Variants in PROM1 observed in about 807,000 individuals in gnomAD.
The protein encoded by PROM1 is prominin-1.
Under a neutral mutation model 116.9 loss-of-function variants are expected in PROM1, and 105 were observed. That is an observed-to-expected ratio of 0.90 (90% CI 0.77 to 1.06). PROM1 has a LOEUF of 1.06. PROM1 is among the 50% of genes least tolerant of loss of function. PROM1 has a pLI of 0.00. For synonymous variants in PROM1, 393 were observed against 387.0 expected, an observed-to-expected ratio of 1.02 and a Z score of -0.18; for missense variants, 1,122 against 1,045.2, an observed-to-expected ratio of 1.07 and a Z score of -1.01.
intron 2 of PROM1, among the ~76,000 whole-genome samples, chr4:16,040,962 C>T (rs569141949): frequency 2.0e-5 from 3 of 152,202 alleles, no homozygotes; most frequent in South Asian, 4.1e-4. Flanking sequence ...GGAACTGCTT[C>T]TTCCATCCTC....
intron 2 of PROM1, among the ~76,000 whole-genome samples, chr4:16,056,178 C>T (rs1337917818): frequency 5.9e-5 from 9 of 152,104 alleles, no homozygotes; most frequent in African/African-American, 9.7e-5. Context: ...CTGGCACAGT[C>T]GCAATTGTTT....
intron 26 of PROM1, among the ~76,000 whole-genome samples, chr4:15,972,336 C>T (rs1184959155): frequency 6.6e-6 from 1 of 152,156 alleles, no homozygotes; most frequent in Non-Finnish European, 1.5e-5. Context: ...GTTCTGAAGG[C>T]CACGAAGTCC....
chr4:16,080,941 G>A (rs1744917181), intron 1 of PROM1, among the ~76,000 whole-genome samples: 1 of 152,092 alleles, frequency 6.6e-6, no homozygotes. Flanking sequence ...GGGTCCTGTG[G>A]CATGTCCTAG....
intron 26 of PROM1, among the ~76,000 whole-genome samples, chr4:15,979,010 A>AGAAGGAAG (rs3839177): frequency 6.6e-4 from 98 of 148,442 alleles, no homozygotes; most frequent in South Asian, 1.1e-3. Flanking sequence ...AAGGAAGGAA[A>AGAAGGAAG]GAAGGAAGGA....
rs138882855 is a variant in PROM1 at position 16,036,840 on chromosome 4, A to G, written c.277-1079T>C. Among the ~76,000 whole-genome samples the G allele has an allele frequency of 1.4e-3, 210 of 152,130 alleles. 2 individuals are homozygous for G. The highest frequency in any genetic ancestry group is 4.7e-3 in the African/African-American group (195 of 41,494). On this transcript the variant is annotated intron_variant, in intron 3 of 27. Transcript: ENST00000447510. Reference sequence around the variant, plus strand: ...ATCCTTTGGTGCCTTTGTTTAATTAACCTCTTTCTTTGGATAATGGTAGAA... The same window carrying G: ...ATCCTTTGGTGCCTTTGTTTAATTAGCCTCTTTCTTTGGATAATGGTAGAA...
intron 10 of PROM1, 83 bp from the exon 11 acceptor site, chr4:16,013,421 G>C: frequency 2.3e-6 from 2 of 857,082 alleles, no homozygotes; most frequent in East Asian, 3.0e-5. Context: ...AACTCAGTAC[G>C]AGTAGAGAGG....
At chr4:15,982,438 C>A (rs966212959) in intron 23 of PROM1, among the ~76,000 whole-genome samples, 1 of 152,182 alleles carries the variant, frequency 6.6e-6, no homozygotes, top group Non-Finnish European at 1.5e-5. Flanking sequence ...CAACCTTATC[C>A]TTTTTCTGGA....
At chr4:15,971,907 G>A (rs962187038) in intron 26 of PROM1, 2 of 152,166 alleles carry the variant, frequency 1.3e-5, no homozygotes, top group Non-Finnish European at 2.9e-5. Flanking sequence ...TACCTTTTAT[G>A]CTTTCGGTAA....
At chr4:15,999,306 C>CT (rs1451659959) in intron 14 of PROM1, among the ~76,000 whole-genome samples, 1 of 151,870 alleles carries the variant, frequency 6.6e-6, no homozygotes, top group Non-Finnish European at 1.5e-5. Context: ...CCCGTCTCTA[C>CT]TAAAAATACA....
In PROM1 at chr4:16,024,333, T is replaced by A. The variant is rs1421358912; in HGVS notation, c.656A>T (p.Tyr219Phe). The A allele has an allele frequency of 3.1e-6, 5 of 1,613,348 alleles. No individual in the cohort carries two copies. Among genetic ancestry groups the A allele is most frequent in the Non-Finnish European group, 4.2e-6 (5 of 1,179,612 alleles). ...GAACGCCTTGTCCTTGGTAGTGTTGTACTGGGCCAATATATATTTGATTTG... is the reference window on the plus strand; with the variant it reads ...GAACGCCTTGTCCTTGGTAGTGTTGAACTGGGCCAATATATATTTGATTTG... ...PEQIKYILAQ[Y>F]NTTKDKAFTD... Residue 219 changes from tyrosine to phenylalanine, a missense_variant, in exon 7 of 28, where the codon TAC becomes TTC. Physicochemically the swap from Tyr to Phe is conservative, Grantham distance 22. Transcript: ENST00000447510.
At position 15,989,772 on chromosome 4, in the gene PROM1, G is replaced by A; in HGVS notation, c.2036C>T (p.Thr679Ile). 6.2e-7 allele frequency: 1 copy of A among 1,609,924 alleles called. No individual in the cohort carries two copies. Among genetic ancestry groups the A allele is most frequent in the Non-Finnish European group, 8.5e-7 (1 of 1,177,712 alleles). ...SLKRDAQTIK[T>I]IHQQRVLPIE... ...AGGAAGGACTCGTTGCTGGTGAATTGTTTTAATAGTTTGTGCATCTCTTTT... is the reference window on the plus strand; with the variant it reads ...AGGAAGGACTCGTTGCTGGTGAATTATTTTAATAGTTTGTGCATCTCTTTT... Residue 679 changes from threonine to isoleucine, a missense_variant, in exon 19 of 28, where the codon ACA becomes ATA. Thr to Ile is a moderately conservative substitution (Grantham distance 89). Coordinates refer to ENST00000447510, the MANE Select transcript of PROM1 (RefSeq NM_006017.3).
At chr4:15,975,512 C>T (rs1420660067) in intron 26 of PROM1, among the ~76,000 whole-genome samples, 1 of 152,238 alleles carries the variant, frequency 6.6e-6, no homozygotes, top group African/African-American at 2.4e-5. Context: ...AGCCACCACA[C>T]CCAGCCTCAA....
intron 9 of PROM1, among the ~76,000 whole-genome samples, chr4:16,016,773 A>G (rs1395085085): frequency 6.6e-6 from 1 of 152,204 alleles, no homozygotes; most frequent in East Asian, 1.9e-4. Context: ...TTTAATCCCA[A>G]GAAAACATCA....
At chr4:16,015,302 T>C (rs1292558470) in intron 10 of PROM1, among the ~76,000 whole-genome samples, 1 of 120,530 alleles carries the variant, frequency 8.3e-6, no homozygotes, top group African/African-American at 3.2e-5. Context: ...CCTAAGATCA[T>C]GCCACTGCAC....
chr4:16,037,261 C>T (rs976735104), intron 3 of PROM1, among the ~76,000 whole-genome samples: 1 of 152,116 alleles, frequency 6.6e-6, no homozygotes, highest in African/African-American at 2.4e-5. Flanking sequence ...ATTTTCTTCC[C>T]CCCAGAGATA....
At chr4:15,996,370 C>A (rs1174672122) in intron 15 of PROM1, among the ~76,000 whole-genome samples, 2 of 152,046 alleles carry the variant, frequency 1.3e-5, no homozygotes, top group Non-Finnish European at 2.9e-5. Context: ...ATTAGCCAGG[C>A]GTGGTGACAG....
At chr4:16,020,590 G>T (rs1729601665) in intron 8 of PROM1, among the ~76,000 whole-genome samples, 1 of 152,162 alleles carries the variant, frequency 6.6e-6, no homozygotes, top group Admixed American at 6.6e-5. Context: ...ATGTTTTAAT[G>T]TTCTGTGGTT....
chr4:16,002,107 G>A (rs1380503359), intron 13 of PROM1, among the ~76,000 whole-genome samples: 2 of 151,764 alleles, frequency 1.3e-5, no homozygotes, highest in Non-Finnish European at 2.9e-5. Context: ...TATTTTCTCT[G>A]AGAAGAAGGA....
At chr4:16,055,776 A>G (rs1293864718) in intron 2 of PROM1, among the ~76,000 whole-genome samples, 1 of 152,214 alleles carries the variant, frequency 6.6e-6, no homozygotes, top group Non-Finnish European at 1.5e-5. Context: ...TACCCAACAC[A>G]TTACTAGTGG....
Sources: allele counts gnomAD v4.1 joint callset (sites outside exome capture counted in the v4.1 genomes callset), GRCh38; gene constraint gnomAD v4.1.1; transcripts MANE v1.5; gene names NCBI Gene and HGNC (gene_info 2026-07-23, HGNC 2026-07-21).